THSD7B: variants seen among roughly 807,000 people sequenced by gnomAD.
THSD7B encodes thrombospondin type-1 domain-containing protein 7B.
Under a neutral mutation model 213.6 loss-of-function variants are expected in THSD7B, and 138 were observed. The ratio of observed to expected loss-of-function variants is 0.65; its 90% CI spans 0.56 to 0.74. The LOEUF is 0.74. Among genes scored for constraint, THSD7B ranks in the 30% least tolerant of loss-of-function variants. THSD7B has a pLI of 0.00. For missense variants in THSD7B, 1,931 were observed against 1,991.5 expected, an observed-to-expected ratio of 0.97 and a Z score of 0.58; for synonymous variants, 742 against 687.0, an observed-to-expected ratio of 1.08 and a Z score of -1.25.
intron 1 of THSD7B, among the ~76,000 whole-genome samples, chr2:136,825,970 T>C (rs906188525): frequency 6.6e-6 from 1 of 152,118 alleles, no homozygotes; most frequent in Admixed American, 6.6e-5. Flanking sequence ...AGTGTCCTTT[T>C]TGCAATGCAA....
chr2:137,420,623 A>C (rs1027286399), intron 14 of THSD7B, among the ~76,000 whole-genome samples: 1 of 152,186 alleles, frequency 6.6e-6, no homozygotes, highest in Non-Finnish European at 1.5e-5. Context: ...TCATCACTCT[A>C]TCATCACAAA....
intron 9 of THSD7B, among the ~76,000 whole-genome samples, chr2:137,233,980 G>T (rs1681703004): frequency 6.6e-6 from 1 of 152,178 alleles, no homozygotes. Context: ...GCCAGCTTTG[G>T]TCTAGTGTCA....
intron 15 of THSD7B, among the ~76,000 whole-genome samples, chr2:137,557,732 C>G (rs377147615): frequency 7.4e-4 from 112 of 151,964 alleles, no homozygotes; most frequent in African/African-American, 2.5e-3. Context: ...AACTGAAGGA[C>G]ATAGAGACAC....
chr2:136,814,310 GTAAT>G (rs1259448247), intron 1 of THSD7B, among the ~76,000 whole-genome samples: 3 of 152,052 alleles, frequency 2.0e-5, no homozygotes, highest in South Asian at 2.1e-4. Context: ...TTATGTATAC[GTAAT>G]TAAATGACAC....
At chr2:137,076,928 A>G (rs1208470373) in intron 3 of THSD7B, among the ~76,000 whole-genome samples, 1 of 151,274 alleles carries the variant, frequency 6.6e-6, no homozygotes, top group East Asian at 1.9e-4. Context: ...ACACCCATTA[A>G]CTTGTCATTT....
At position 136,781,697 on chromosome 2, in the gene THSD7B, A is replaced by C. The variant is rs924959102; in HGVS notation, c.-36+16010A>C. ...CCATGCAGCCCATGTCTACCACTTC[A>C]GCTCTCTGGCCTTCTCCGCAACCAC... is the stretch of plus-strand genomic sequence containing the variant. On this transcript the variant is annotated intron_variant, in intron 1 of 27. Transcript: ENST00000409968. Among the ~76,000 whole-genome samples, 3 of 151,688 alleles carry C rather than the reference A, an allele frequency of 2.0e-5. 1 individual carries two copies. Among genetic ancestry groups the C allele is most frequent in the South Asian group, 4.2e-4 (2 of 4,804 alleles).
intron 1 of THSD7B, among the ~76,000 whole-genome samples, chr2:136,816,975 A>C (rs934886736): frequency 5.9e-5 from 9 of 152,184 alleles, no homozygotes; most frequent in Non-Finnish European, 1.2e-4. Context: ...AAAGTATTGC[A>C]ATTGATTCTC....
chr2:137,259,043 C>T (rs1345662702), intron 10 of THSD7B, among the ~76,000 whole-genome samples: 2 of 152,132 alleles, frequency 1.3e-5, no homozygotes, highest in South Asian at 2.1e-4. Context: ...GCATAGTATT[C>T]CATGGTGTAT....
At chr2:137,529,826 A>G (rs1680362641) in intron 15 of THSD7B, among the ~76,000 whole-genome samples, 1 of 151,984 alleles carries the variant, frequency 6.6e-6, no homozygotes, top group South Asian at 2.1e-4. Flanking sequence ...GTGACCTCTA[A>G]CTACATGTCA....
At chr2:137,609,135 C>T (rs1278548297) in intron 17 of THSD7B, among the ~76,000 whole-genome samples, 1 of 152,124 alleles carries the variant, frequency 6.6e-6, no homozygotes, top group African/African-American at 2.4e-5. Flanking sequence ...ACTGCCCTTG[C>T]AAAGCTTGCG....
intron 15 of THSD7B, among the ~76,000 whole-genome samples, chr2:137,466,704 T>C (rs1687996917): frequency 6.6e-6 from 1 of 152,124 alleles, no homozygotes; most frequent in Non-Finnish European, 1.5e-5. Flanking sequence ...TTTCTCCTCT[T>C]TATTAGGATG....
chr2:137,350,602 A>C (rs1684992724), intron 12 of THSD7B, among the ~76,000 whole-genome samples: 1 of 151,812 alleles, frequency 6.6e-6, no homozygotes, highest in African/African-American at 2.4e-5. Context: ...GGAGAGCGAC[A>C]TGATTAGATT....
At chr2:137,007,640 A>G (rs1265873598) in intron 2 of THSD7B, among the ~76,000 whole-genome samples, 2 of 152,150 alleles carry the variant, frequency 1.3e-5, no homozygotes, top group Non-Finnish European at 2.9e-5. Context: ...ACTGTTGCAA[A>G]GGTACAACAC....
At chr2:137,290,562 CT>C (rs1323631992) in intron 12 of THSD7B, among the ~76,000 whole-genome samples, 1 of 152,070 alleles carries the variant, frequency 6.6e-6, no homozygotes, top group East Asian at 1.9e-4. Flanking sequence ...TGATTTCCAT[CT>C]TTAATGTCTC....
chr2:137,441,208 A>G (rs189378798), intron 14 of THSD7B, among the ~76,000 whole-genome samples: 1 of 152,096 alleles, frequency 6.6e-6, no homozygotes, highest in Admixed American at 6.6e-5. Flanking sequence ...GAATTTTCAA[A>G]TTGTCTCTTA....
chr2:137,508,421 G>T (rs1258921860), intron 15 of THSD7B, among the ~76,000 whole-genome samples: 3 of 137,822 alleles, frequency 2.2e-5, no homozygotes, highest in South Asian at 2.3e-4. Flanking sequence ...GTGTCGCCCA[G>T]GCTGGAGTGC....
chr2:137,261,495 A>T (rs1682448241), intron 10 of THSD7B, among the ~76,000 whole-genome samples: 2 of 152,112 alleles, frequency 1.3e-5, no homozygotes, highest in Admixed American at 1.3e-4. Context: ...CCTTTGATGT[A>T]CTGAGAGATA....
intron 2 of THSD7B, among the ~76,000 whole-genome samples, chr2:136,990,570 G>C (rs747352774): frequency 1.3e-5 from 2 of 152,196 alleles, no homozygotes; most frequent in African/African-American, 2.4e-5. Context: ...GTGCTGGAAT[G>C]TGGGGCAAGA....
chr2:137,076,644 A>T (rs74923155), intron 3 of THSD7B, among the ~76,000 whole-genome samples: 1 of 152,150 alleles, frequency 6.6e-6, no homozygotes. Flanking sequence ...CCGGTACCTC[A>T]GTTGGAAATG....
Sources: allele counts gnomAD v4.1 joint callset (sites outside exome capture counted in the v4.1 genomes callset), GRCh38; gene constraint gnomAD v4.1.1; transcripts MANE v1.5; gene names NCBI Gene and HGNC (gene_info 2026-07-23, HGNC 2026-07-21).